Variants in LHFPL2 observed in about 807,000 individuals in gnomAD.
LHFPL2 encodes LHFPL tetraspan subfamily member 2 protein.
In LHFPL2, 7 loss-of-function variants were observed where a neutral mutation model predicts 17.5. The ratio of observed to expected loss-of-function variants is 0.40; its 90% CI spans 0.23 to 0.75. The LOEUF (loss-of-function observed/expected upper bound fraction) is 0.75, where lower values mean the gene tolerates loss of function less well. Among genes scored for constraint, LHFPL2 ranks in the 30% least tolerant of loss-of-function variants. The pLI is 0.37. For missense variants in LHFPL2, 241 were observed against 294.8 expected, an observed-to-expected ratio of 0.82 and a Z score of 1.34; for synonymous variants, 134 against 116.2, an observed-to-expected ratio of 1.15 and a Z score of -0.99.
At position 78,527,363 on chromosome 5, in the gene LHFPL2, GTTTTTTTTT is replaced by G. The variant is rs35135294; in HGVS notation, c.-185-16974_-185-16966del. 2.8e-3 allele frequency among the ~76,000 whole-genome samples: 300 copies of G among 108,110 alleles called. 1 individual carries two copies. Among genetic ancestry groups the G allele is most frequent in the African/African-American group, 0.01 (290 of 28,942 alleles). 70.9% of individuals were successfully genotyped at this position (108,110 alleles called of 152,430 possible). ...GGAAAGCTCTTAATGCTGATGAGGA[GTTTTTTTTT>G]TTTTTTTTTTTTTTCCAAAAGTTCA... On this transcript the variant is annotated intron_variant, in intron 3 of 4. Coordinates refer to ENST00000380345, the MANE Select transcript of LHFPL2 (RefSeq NM_005779.3).
At chr5:78,592,945 C>A (rs1580841204) in intron 2 of LHFPL2, among the ~76,000 whole-genome samples, 1 of 152,120 alleles carries the variant, frequency 6.6e-6, no homozygotes. Flanking sequence ...GATGGTTGCA[C>A]AACAGTGTGA....
intron 3 of LHFPL2, among the ~76,000 whole-genome samples, chr5:78,554,200 G>T (rs867591014): frequency 6.6e-6 from 1 of 152,246 alleles, no homozygotes; most frequent in Non-Finnish European, 1.5e-5. Context: ...CACTGTGCGC[G>T]CCTGCTGCAC....
chr5:78,515,751 G>T (rs576946363), intron 3 of LHFPL2, among the ~76,000 whole-genome samples: 1 of 152,290 alleles, frequency 6.6e-6, no homozygotes, highest in African/African-American at 2.4e-5. Context: ...TTTCTAACAA[G>T]TTCCTAGGAG....
intron 3 of LHFPL2, among the ~76,000 whole-genome samples, chr5:78,541,409 G>T (rs994165374): frequency 4.6e-5 from 7 of 152,206 alleles, no homozygotes; most frequent in Admixed American, 4.6e-4. Flanking sequence ...CCAAAGCGCA[G>T]CCCTGGGATG....
intron 2 of LHFPL2, among the ~76,000 whole-genome samples, chr5:78,608,246 T>C (rs1366682258): frequency 6.6e-6 from 1 of 152,218 alleles, no homozygotes; most frequent in African/African-American, 2.4e-5. Context: ...ACCTGAAGAT[T>C]ATACCTTCAA....
intron 3 of LHFPL2, among the ~76,000 whole-genome samples, chr5:78,545,271 G>C (rs912762093): frequency 6.6e-6 from 1 of 152,128 alleles, no homozygotes; most frequent in African/African-American, 2.4e-5. Flanking sequence ...TCCCCATCAG[G>C]AGGCAACACC....
chr5:78,547,708 C>T (rs1017614224), intron 3 of LHFPL2, among the ~76,000 whole-genome samples: 3 of 152,124 alleles, frequency 2.0e-5, no homozygotes, highest in African/African-American at 7.2e-5. Flanking sequence ...ATCAGGATAA[C>T]AAAGCAGCTG....
chr5:78,645,544 A>ACG (rs1745835937), intron 1 of LHFPL2, among the ~76,000 whole-genome samples: 1 of 5,674 alleles, frequency 1.8e-4, no homozygotes, highest in Admixed American at 1.2e-3. Flanking sequence ...ACAGATGCAT[A>ACG]CACACACACA....
chr5:78,610,209 T>C (rs1427830497), intron 2 of LHFPL2, among the ~76,000 whole-genome samples: 3 of 152,128 alleles, frequency 2.0e-5, no homozygotes, highest in East Asian at 1.9e-4. Context: ...AAAGAGCCCT[T>C]GGGTGGACTC....
intron 3 of LHFPL2, among the ~76,000 whole-genome samples, chr5:78,541,712 A>G (rs904533278): frequency 6.6e-6 from 1 of 152,180 alleles, no homozygotes; most frequent in Non-Finnish European, 1.5e-5. Flanking sequence ...CAAGAGGGGG[A>G]AGAACATAAA....
intron 3 of LHFPL2, among the ~76,000 whole-genome samples, chr5:78,554,245 G>C (rs1375819765): frequency 6.6e-6 from 1 of 152,260 alleles, no homozygotes; most frequent in East Asian, 1.9e-4. Context: ...CTTACAGCGA[G>C]CACCCAGGAC....
At chr5:78,556,192 C>G (rs1262862220) in intron 3 of LHFPL2, among the ~76,000 whole-genome samples, 1 of 152,168 alleles carries the variant, frequency 6.6e-6, no homozygotes, top group Non-Finnish European at 1.5e-5. Flanking sequence ...ACGTAGGACA[C>G]TTTTGTGTGA....
chr5:78,582,413 G>C (rs1257841225), intron 2 of LHFPL2, among the ~76,000 whole-genome samples: 2 of 149,854 alleles, frequency 1.3e-5, no homozygotes, highest in Non-Finnish European at 3.0e-5. Flanking sequence ...GCTTTCTCTT[G>C]TGGGCATTTA....
Position 78,550,440 on chromosome 5 carries a change from C to G in LHFPL2, c.-186+14373G>C, listed in dbSNP as rs187685633. On this transcript the variant is annotated intron_variant, in intron 3 of 4. Coordinates refer to ENST00000380345, the MANE Select transcript of LHFPL2 (RefSeq NM_005779.3). ...TCAAGAGCAGTCTCAATTCAGGGCCCAAACTCCAAAATAGTCCCTATGCAT... is the reference window on the plus strand; with the variant it reads ...TCAAGAGCAGTCTCAATTCAGGGCCGAAACTCCAAAATAGTCCCTATGCAT... Among the ~76,000 whole-genome samples the G allele has an allele frequency of 3.0e-3, 452 of 152,308 alleles. 3 individuals carry two copies. Among genetic ancestry groups the G allele is most frequent in the African/African-American group, 0.01 (433 of 41,566 alleles).
chr5:78,610,007 CACCT>C (rs1744362883), intron 2 of LHFPL2, among the ~76,000 whole-genome samples: 1 of 152,140 alleles, frequency 6.6e-6, no homozygotes, highest in Non-Finnish European at 1.5e-5. Flanking sequence ...TAATGGGAAT[CACCT>C]ACCTAAACCT....
chr5:78,636,311 G>T (rs1299978818), intron 1 of LHFPL2, among the ~76,000 whole-genome samples: 2 of 152,172 alleles, frequency 1.3e-5, no homozygotes, highest in African/African-American at 4.8e-5. Flanking sequence ...AGGCTTAAAG[G>T]GAAACACTTC....
At chr5:78,635,020 G>A (rs960792702) in intron 1 of LHFPL2, among the ~76,000 whole-genome samples, 1 of 152,198 alleles carries the variant, frequency 6.6e-6, no homozygotes, top group South Asian at 2.1e-4. Context: ...GCCGTGGAGT[G>A]GGTCAGTTCT....
chr5:78,538,240 T>C (rs1194531796), intron 3 of LHFPL2, among the ~76,000 whole-genome samples: 1 of 152,236 alleles, frequency 6.6e-6, no homozygotes, highest in Non-Finnish European at 1.5e-5. Flanking sequence ...TCCTAGTCTG[T>C]TATTCTGGGG....
chr5:78,505,408 C>G (rs750649664), intron 4 of LHFPL2, among the ~76,000 whole-genome samples: 4 of 152,190 alleles, frequency 2.6e-5, no homozygotes, highest in Non-Finnish European at 5.9e-5. Context: ...AATCAACACT[C>G]AACGGCTAGA....
Sources: allele counts gnomAD v4.1 joint callset (sites outside exome capture counted in the v4.1 genomes callset), GRCh38; gene constraint gnomAD v4.1.1; transcripts MANE v1.5; gene names NCBI Gene and HGNC (gene_info 2026-07-23, HGNC 2026-07-21).